Variants in TDRD10 observed in about 807,000 individuals in gnomAD.
The protein encoded by TDRD10 is tudor domain-containing protein 10.
Under a neutral mutation model 48.0 loss-of-function variants are expected in TDRD10, and 40 were observed. That is an observed-to-expected ratio of 0.83 (90% CI 0.65 to 1.09). The LOEUF (loss-of-function observed/expected upper bound fraction) is 1.09, where lower values mean the gene tolerates loss of function less well. Ranked by LOEUF, TDRD10 falls within the 50% of genes least tolerant of loss-of-function variation. The pLI, the probability that TDRD10 is intolerant of heterozygous loss-of-function variation, is 0.00. For synonymous variants in TDRD10, 162 were observed against 170.4 expected, an observed-to-expected ratio of 0.95 and a Z score of 0.38; for missense variants, 378 against 434.7, an observed-to-expected ratio of 0.87 and a Z score of 1.16.
At chr1:154,511,649 A>G (rs1382472043) in intron 4 of TDRD10, among the ~76,000 whole-genome samples, 1 of 152,048 alleles carries the variant, frequency 6.6e-6, no homozygotes, top group East Asian at 1.9e-4. Flanking sequence ...GGAGTTCGAG[A>G]CCAGCCTGGC....
At chr1:154,543,844 C>T in intron 8 of TDRD10, 119 bp from the exon 9 acceptor site, 4 of 1,457,956 alleles carry the variant, frequency 2.7e-6, no homozygotes, top group Non-Finnish European at 3.7e-6. Flanking sequence ...AGCCTTTCTG[C>T]TTAGGGGACT....
At chr1:154,514,953 C>T (rs1308979490) in intron 4 of TDRD10, among the ~76,000 whole-genome samples, 3 of 151,878 alleles carry the variant, frequency 2.0e-5, no homozygotes, top group African/African-American at 2.4e-5. Flanking sequence ...CTGCAGCCTC[C>T]GCCTCTTGGG....
At chr1:154,511,630 A>T (rs1209972894) in intron 4 of TDRD10, among the ~76,000 whole-genome samples, 1 of 151,934 alleles carries the variant, frequency 6.6e-6, no homozygotes, top group Non-Finnish European at 1.5e-5. Flanking sequence ...TGGGCAGATC[A>T]CAAGGTCAGG....
intron 4 of TDRD10, among the ~76,000 whole-genome samples, chr1:154,512,836 T>C (rs1472131271): frequency 1.3e-5 from 2 of 152,248 alleles, no homozygotes; most frequent in African/African-American, 4.8e-5. Flanking sequence ...TCAAAGACTA[T>C]TGAAGTTTGA....
intron 2 of TDRD10, 74 bp from the exon 3 acceptor site, chr1:154,507,167 G>C: frequency 1.3e-6 from 2 of 1,514,090 alleles, no homozygotes; most frequent in Non-Finnish European, 1.8e-6. Context: ...AGGCCCCTCT[G>C]CTTATGCCTG....
At chr1:154,541,996 G>A (rs368715244) in intron 6 of TDRD10, 28 bp from the exon 7 acceptor site, 2 of 1,613,156 alleles carry the variant, frequency 1.2e-6, no homozygotes, top group Non-Finnish European at 1.7e-6. Flanking sequence ...CACCATGGCT[G>A]AGTGAGACCT....
chr1:154,535,369 G>GAA (rs112520948), intron 6 of TDRD10, among the ~76,000 whole-genome samples: 4 of 132,872 alleles, frequency 3.0e-5, no homozygotes, highest in Non-Finnish European at 4.9e-5. Context: ...TCCATCTCAA[G>GAA]AAAAAAAAAA....
At chr1:154,534,778 A>G (rs143705631) in intron 6 of TDRD10, among the ~76,000 whole-genome samples, 2 of 152,334 alleles carry the variant, frequency 1.3e-5, no homozygotes, top group East Asian at 3.9e-4. Context: ...ATTGTTTTAA[A>G]GAAAAGAAAA....
chr1:154,530,161 C>T (rs895830443), intron 6 of TDRD10, among the ~76,000 whole-genome samples: 9 of 151,814 alleles, frequency 5.9e-5, no homozygotes, highest in African/African-American at 1.4e-4. Context: ...ATTACAGGCA[C>T]CTACCACCAT....
intron 4 of TDRD10, among the ~76,000 whole-genome samples, chr1:154,514,514 T>C (rs1236650318): frequency 6.6e-6 from 1 of 152,098 alleles, no homozygotes; most frequent in Non-Finnish European, 1.5e-5. Context: ...GTGATGGGCT[T>C]GTGGGAGTTC....
At chr1:154,547,297 T>TAAC (rs762168622) in intron 11 of TDRD10, 112 bp from the exon 12 acceptor site, 131 of 1,039,798 alleles carry the variant, frequency 1.3e-4, no homozygotes, top group Non-Finnish European at 1.7e-4. Flanking sequence ...TGGTTGGAGC[T>TAAC]GGTTGGCGGC....
At chr1:154,526,767 T>C (rs996585127) in intron 6 of TDRD10, among the ~76,000 whole-genome samples, 2 of 150,762 alleles carry the variant, frequency 1.3e-5, no homozygotes, top group Non-Finnish European at 3.0e-5. Context: ...TTTTGTATTT[T>C]TTGGTATGGA....
intron 6 of TDRD10, among the ~76,000 whole-genome samples, chr1:154,528,214 TAA>T (rs56022323): frequency 0.58 from 84,662 of 144,790 alleles, 25,129 homozygotes; most frequent in East Asian, 0.76. Context: ...CCTCGTCTCT[TAA>T]AAAAAAAAAA....
chr1:154,536,980 G>A (rs955955500), intron 6 of TDRD10, among the ~76,000 whole-genome samples: 1 of 152,140 alleles, frequency 6.6e-6, no homozygotes, highest in Non-Finnish European at 1.5e-5. Context: ...CCTGTTTCTG[G>A]CAGTCCGGGG....
chr1:154,543,282 A>T (rs1396819778), intron 8 of TDRD10, among the ~76,000 whole-genome samples: 1 of 152,154 alleles, frequency 6.6e-6, no homozygotes, highest in Non-Finnish European at 1.5e-5. Context: ...CTCAAAATAA[A>T]TAAATAAATA....
At chr1:154,503,663 C>T (rs1036721722) in intron 1 of TDRD10, among the ~76,000 whole-genome samples, 2 of 152,134 alleles carry the variant, frequency 1.3e-5, no homozygotes, top group African/African-American at 4.8e-5. Context: ...GTTTACTGAA[C>T]GGAAATCTTT....
intron 1 of TDRD10, among the ~76,000 whole-genome samples, chr1:154,504,481 T>C (rs1209518393): frequency 6.6e-6 from 1 of 152,240 alleles, no homozygotes; most frequent in Non-Finnish European, 1.5e-5. Flanking sequence ...TTTACATTCC[T>C]ACCAGCAATA....
intron 6 of TDRD10, among the ~76,000 whole-genome samples, chr1:154,523,264 C>A (rs1377297566): frequency 6.6e-6 from 1 of 152,162 alleles, no homozygotes; most frequent in Non-Finnish European, 1.5e-5. Context: ...TTCTCATCCC[C>A]CTAGCTGTAT....
At position 154,548,139 on chromosome 1, in the gene TDRD10, G is replaced by A. The variant is rs977569135; in HGVS notation, c.*429G>A. 1 of 208,280 alleles carries A rather than the reference G, an allele frequency of 4.8e-6. No homozygotes were observed. Among genetic ancestry groups the A allele is most frequent in the African/African-American group, 2.3e-5 (1 of 42,584 alleles). The allele number at this position is 208,280 out of a possible 1,614,324, so 12.9% of individuals were successfully genotyped here. ...CCAATGAGCAAATAAATGTTGGCAT[G>A]TTTCATGAGTTTGGAGTGATTGATA... On this transcript the variant is annotated 3_prime_UTR_variant, in exon 13 of 13. Transcript: ENST00000368482.
Sources: allele counts gnomAD v4.1 joint callset (sites outside exome capture counted in the v4.1 genomes callset), GRCh38; gene constraint gnomAD v4.1.1; transcripts MANE v1.5; gene names NCBI Gene and HGNC (gene_info 2026-07-23, HGNC 2026-07-21).